SNTB2: variants seen among roughly 807,000 people sequenced by gnomAD.
SNTB2 encodes the protein beta-2-syntrophin.
Under a neutral mutation model 46.2 loss-of-function variants are expected in SNTB2, and 34 were observed. The observed-to-expected ratio is 0.74, with a 90% CI of 0.56 to 0.98. The LOEUF (loss-of-function observed/expected upper bound fraction) is 0.98, where lower values mean the gene tolerates loss of function less well. Ranked by LOEUF, SNTB2 falls within the 50% of genes least tolerant of loss-of-function variation. The probability of loss-of-function intolerance (pLI) is 0.00; values close to 1 mark genes in which losing one functional copy is unlikely to be tolerated. For synonymous variants in SNTB2, 290 were observed against 312.6 expected (o/e 0.93, Z 0.76); for missense variants, 603 against 731.4 (o/e 0.82, Z 2.02).
Position 69,187,253 on chromosome 16 carries a change from G to C in SNTB2, c.87G>C (p.Glu29Asp). ...GGGCCACCAAAGCGGGGCTGGTGGA[G>C]CTGCTCCTGAGGGAGCGCTGGGTCC... ...WTRATKAGLV[E>D]LLLRERWVRV... Residue 29 changes from glutamate to aspartate, a missense_variant, in exon 1 of 7, where the codon GAG (glutamate) becomes GAC (aspartate). Transcript: ENST00000336278. 1 of 1,482,460 alleles carries C rather than the reference G, an allele frequency of 6.7e-7. No homozygotes were observed. Among genetic ancestry groups the C allele is most frequent in the Non-Finnish European group, 8.9e-7 (1 of 1,120,422 alleles). 91.8% of individuals were successfully genotyped at this position (1,482,460 alleles called of 1,614,324 possible).
intron 4 of SNTB2, among the ~76,000 whole-genome samples, chr16:69,282,523 A>G (rs1168927770): frequency 6.6e-6 from 1 of 152,144 alleles, no homozygotes; most frequent in Non-Finnish European, 1.5e-5. Context: ...TGGTGCCAGT[A>G]TACAGATTTA....
intron 4 of SNTB2, among the ~76,000 whole-genome samples, chr16:69,279,437 T>G (rs542487963): frequency 6.6e-6 from 1 of 151,644 alleles, no homozygotes; most frequent in Non-Finnish European, 1.5e-5. Flanking sequence ...AATGCTGTAG[T>G]GAACATAGGT....
At chr16:69,295,977 T>G (rs918052559) in intron 5 of SNTB2, among the ~76,000 whole-genome samples, 12 of 152,066 alleles carry the variant, frequency 7.9e-5, no homozygotes, top group Admixed American at 7.9e-4. Flanking sequence ...AATCTGGTAT[T>G]AATTATACAT....
intron 1 of SNTB2, among the ~76,000 whole-genome samples, chr16:69,191,816 A>G (rs1430730825): frequency 6.6e-6 from 1 of 151,280 alleles, no homozygotes; most frequent in Non-Finnish European, 1.5e-5. Context: ...AATTTTTTGT[A>G]TTTTTTAGTA....
At chr16:69,285,496 A>T (rs377211175) in intron 5 of SNTB2, among the ~76,000 whole-genome samples, 4 of 115,592 alleles carry the variant, frequency 3.5e-5, no homozygotes, top group Middle Eastern at 4.8e-3. Context: ...TATTTATTTA[A>T]AGAGACAGGG....
chr16:69,280,533 CG>C (rs1214583984), intron 4 of SNTB2, among the ~76,000 whole-genome samples: 3 of 138,930 alleles, frequency 2.2e-5, no homozygotes, highest in African/African-American at 3.3e-5. Context: ...GCTGGCCGGG[CG>C]GGGGGCTCAC....
At position 69,296,583 on chromosome 16, in the gene SNTB2, C is replaced by G. The variant is rs1260730259; in HGVS notation, c.1346-3007C>G. Among the ~76,000 whole-genome samples, 23 of 148,736 alleles carry G rather than the reference C, an allele frequency of 1.5e-4. No individual in the cohort carries two copies. The South Asian group carries it at 4.7e-3, about 30-fold the overall frequency. ...TAAAAATACAAAAAATCAGCCAGGC[C>G]TGGTGGCACATGCCTGTAATCCCAG... On this transcript the variant is annotated intron_variant, in intron 5 of 6. Transcript: ENST00000336278.
At chr16:69,280,484 C>A (rs1048845352) in intron 4 of SNTB2, among the ~76,000 whole-genome samples, 2 of 150,168 alleles carry the variant, frequency 1.3e-5, no homozygotes, top group African/African-American at 4.9e-5. Flanking sequence ...GCTGGCTGGG[C>A]GGGGGGCTGA....
chr16:69,237,831 G>A (rs1290084746), intron 1 of SNTB2, among the ~76,000 whole-genome samples: 3 of 151,628 alleles, frequency 2.0e-5, no homozygotes, highest in East Asian at 1.9e-4. Context: ...TTGAACTCCC[G>A]ACCTCAGGTG....
At chr16:69,215,138 G>T (rs939465079) in intron 1 of SNTB2, among the ~76,000 whole-genome samples, 1 of 152,196 alleles carries the variant, frequency 6.6e-6, no homozygotes, top group African/African-American at 2.4e-5. Flanking sequence ...GATTACAGAC[G>T]TGAGCCACTG....
intron 1 of SNTB2, among the ~76,000 whole-genome samples, chr16:69,216,513 C>T (rs1964348375): frequency 6.6e-6 from 1 of 150,812 alleles, no homozygotes; most frequent in Non-Finnish European, 1.5e-5. Flanking sequence ...TGAAATCCCA[C>T]CTCTACAATT....
intron 1 of SNTB2, among the ~76,000 whole-genome samples, chr16:69,218,943 CTT>C (rs1420299190): frequency 6.6e-6 from 1 of 152,180 alleles, no homozygotes; most frequent in Non-Finnish European, 1.5e-5. Flanking sequence ...GGTCTGTCCT[CTT>C]TATCAAGAAA....
intron 4 of SNTB2, among the ~76,000 whole-genome samples, chr16:69,279,027 T>G (rs1965011009): frequency 2.6e-5 from 4 of 152,088 alleles, no homozygotes; most frequent in Non-Finnish European, 5.9e-5. Flanking sequence ...AATTTTTATT[T>G]TAAAAAACTC....
intron 5 of SNTB2, among the ~76,000 whole-genome samples, chr16:69,296,837 G>T (rs563769350): frequency 6.6e-6 from 1 of 150,906 alleles, no homozygotes; most frequent in Non-Finnish European, 1.5e-5. Context: ...TGAAATCCCT[G>T]TCTCTACTAA....
At chr16:69,251,907 A>G (rs1964731059) in intron 2 of SNTB2, among the ~76,000 whole-genome samples, 1 of 152,184 alleles carries the variant, frequency 6.6e-6, no homozygotes, top group African/African-American at 2.4e-5. Context: ...CCAACATGGC[A>G]AAACCCCATC....
rs1336539507 is a variant in SNTB2 at position 69,306,208 on chromosome 16, A to T, written c.*5284A>T. ...TAAGGATAAGGCACAATAAATAGGC[A>T]CATAGAGGACATCTGTTTTTGTTTT... On this transcript the variant is annotated 3_prime_UTR_variant, in exon 7 of 7. Coordinates refer to ENST00000336278, the MANE Select transcript of SNTB2 (RefSeq NM_006750.4). 1 of 152,210 alleles carries T rather than the reference A, an allele frequency of 6.6e-6. No individual in the cohort carries two copies. Among genetic ancestry groups the T allele is most frequent in the Non-Finnish European group, 1.5e-5 (1 of 68,034 alleles). The allele number at this position is 152,210 out of a possible 1,614,324, so 9.4% of individuals were successfully genotyped here.
chr16:69,271,018 T>G (rs1006278738), intron 4 of SNTB2, among the ~76,000 whole-genome samples: 5 of 152,216 alleles, frequency 3.3e-5, no homozygotes, highest in Non-Finnish European at 1.5e-5. Flanking sequence ...ATGATGAAAC[T>G]ATCTGGAATA....
intron 5 of SNTB2, among the ~76,000 whole-genome samples, chr16:69,288,759 T>G (rs1023383260): frequency 3.9e-5 from 6 of 152,312 alleles, no homozygotes; most frequent in African/African-American, 1.4e-4. Flanking sequence ...TGCTGCACTA[T>G]TCACAATAAC....
intron 3 of SNTB2, among the ~76,000 whole-genome samples, chr16:69,266,245 T>C (rs1964882627): frequency 6.6e-6 from 1 of 152,124 alleles, no homozygotes; most frequent in Non-Finnish European, 1.5e-5. Flanking sequence ...ACGCCTGTAA[T>C]CCCGGCTACT....
Sources: allele counts gnomAD v4.1 joint callset (sites outside exome capture counted in the v4.1 genomes callset), GRCh38; gene constraint gnomAD v4.1.1; transcripts MANE v1.5; gene names NCBI Gene and HGNC (gene_info 2026-07-23, HGNC 2026-07-21).